Variants in DNAJC2 observed in about 807,000 individuals in gnomAD.
DNAJC2 encodes dnaJ homolog subfamily C member 2.
Under a neutral mutation model 94.0 loss-of-function variants are expected in DNAJC2, and 32 were observed. That is an observed-to-expected ratio of 0.34 (90% CI 0.26 to 0.46). The LOEUF is 0.46. DNAJC2 is among the 20% of genes least tolerant of loss of function. The pLI, the probability that DNAJC2 is intolerant of heterozygous loss-of-function variation, is 1.00. For synonymous variants in DNAJC2, 210 were observed against 229.7 expected (o/e 0.91, Z 0.77); for missense variants, 550 against 719.5 (o/e 0.76, Z 2.69).
At position 103,316,931 on chromosome 7, in the gene DNAJC2, T is replaced by C. The variant is rs1216003900; in HGVS notation, c.1326A>G (p.Lys442=). The part of the protein sequence containing the change: ...RMRQASKNTE[K]STGGGGNGSK... ...TTCCATTTCCACCTCCACCAGTTGA[T>C]TTCTCTGTGTTCTTAGATGCTTGTC... Residue 442 remains lysine (K), a synonymous_variant, in exon 13 of 17, where the codon AAA becomes AAG. Coordinates refer to ENST00000379263, the MANE Select transcript of DNAJC2 (RefSeq NM_014377.3). 1 of 1,614,108 alleles carries C rather than the reference T, an allele frequency of 6.2e-7. No individual in the cohort carries two copies. Among genetic ancestry groups the C allele is most frequent in the Non-Finnish European group, 8.5e-7 (1 of 1,179,990 alleles).
chr7:103,325,979 G>A (rs1198249731), intron 5 of DNAJC2, among the ~76,000 whole-genome samples: 7 of 152,078 alleles, frequency 4.6e-5, no homozygotes, highest in Non-Finnish European at 1.0e-4. Context: ...GTCAGATACT[G>A]TTATTTCTCT....
rs1369363230 is a variant in DNAJC2, at chr7:103,312,818, T to C, written c.1791+129A>G. 5 of 1,519,126 alleles carry C rather than the reference T, an allele frequency of 3.3e-6. No individual in the cohort carries two copies. The Admixed American group carries it at 6.9e-5, about 21-fold the overall frequency. The allele number at this position is 1,519,126 out of a possible 1,614,324, so 94.1% of individuals were successfully genotyped here. A position where few individuals can be genotyped will look rare whatever the true frequency, so the allele number is the denominator to read the frequency against. On this transcript the variant is annotated intron_variant, in intron 16 of 16. Coordinates refer to ENST00000379263, the MANE Select transcript of DNAJC2 (RefSeq NM_014377.3). ...GGTTGCTCATTTCTTCCTCATAATA[T>C]TGACCCCATAACTACTGGTTTTGAA... is the stretch of plus-strand genomic sequence containing the variant.
chr7:103,329,089 A>AT (rs1257949212), intron 3 of DNAJC2: 3 of 886,558 alleles, frequency 3.4e-6, no homozygotes, highest in Non-Finnish European at 4.5e-6. Context: ...GTGGTCAACA[A>AT]TTTTTTTGTT....
chr7:103,313,665 G>A lies in DNAJC2; in HGVS notation c.1637-564C>T, dbSNP rs534974393. On this transcript the variant is annotated intron_variant, in intron 15 of 16. Coordinates refer to ENST00000379263, the MANE Select transcript of DNAJC2 (RefSeq NM_014377.3). Reference sequence around the variant, plus strand: ...TGTGTTGTAGTGTGGTGTTCTCTTCGTCACATCTGCTAAAATCTTGGGAGC... The same window carrying A: ...TGTGTTGTAGTGTGGTGTTCTCTTCATCACATCTGCTAAAATCTTGGGAGC... The A allele has an allele frequency of 1.3e-5, 13 of 985,252 alleles. No individual in the cohort carries two copies. In the African/African-American group the frequency reaches 1.9e-4, roughly 15 times the overall value. The allele number at this position is 985,252 out of a possible 1,614,324, so 61.0% of individuals were successfully genotyped here.
chr7:103,331,781 CTT>C (rs1818984346), intron 3 of DNAJC2, among the ~76,000 whole-genome samples: 1 of 147,526 alleles, frequency 6.8e-6, no homozygotes, highest in South Asian at 2.1e-4. Context: ...GATTCCTTAT[CTT>C]TGTTATTATA....
chr7:103,322,835 G>A (rs774964911), intron 7 of DNAJC2, 41 bp from the exon 8 acceptor site: 34 of 1,461,554 alleles, frequency 2.3e-5, no homozygotes, highest in Non-Finnish European at 3.2e-5. Flanking sequence ...ACTGCTTATA[G>A]ATGCTATGAC....
chr7:103,312,960 A>G lies in DNAJC2; in HGVS notation c.1778T>C (p.Met593Thr), dbSNP rs1817839954. ...AVPGRTKKDC[M>T]KRYKELVEMV... Reference sequence around the variant, plus strand: ...TAAGTCTGCAACCTTGTATCGTTTCATGCAGTCCTTCTTTGTCCTGCCAGG... The same window carrying G: ...TAAGTCTGCAACCTTGTATCGTTTCGTGCAGTCCTTCTTTGTCCTGCCAGG... Residue 593 changes from methionine to threonine, a missense_variant, in exon 16 of 17, where the codon ATG becomes ACG. Transcript: ENST00000379263. 1 of 1,613,090 alleles carries G rather than the reference A, an allele frequency of 6.2e-7. No homozygotes were observed. The highest frequency in any genetic ancestry group is 8.5e-7 in the Non-Finnish European group (1 of 1,179,762).
At position 103,322,536 on chromosome 7, in the gene DNAJC2, C is replaced by T. The variant is rs376008208; in HGVS notation, c.908G>A (p.Arg303Gln). ...AEKKAKAEAK[R>Q]KEQEAKEKQR... ...TTTTTCTTTAGCTTCTTGCTCCTTC[C>T]GTTTAGCTTCTGCTTTTGCTTTCTT... The change falls in exon 9 of 17, where the codon CGG becomes CAG. Residue 303 changes from arginine to glutamine, a missense_variant. Around this residue, in one of 2 missense-constraint regions of DNAJC2, gnomAD observed 279 missense variants for 416.9 expected, o/e 0.67. Coordinates refer to ENST00000379263, the MANE Select transcript of DNAJC2 (RefSeq NM_014377.3). 24 of 1,530,956 alleles carry T rather than the reference C, an allele frequency of 1.6e-5. No homozygotes were observed. The highest frequency in any genetic ancestry group is 1.2e-4 in the East Asian group (5 of 43,298). 94.8% of individuals were successfully genotyped at this position (1,530,956 alleles called of 1,614,324 possible).
chr7:103,319,264 C>G (rs992917915), intron 12 of DNAJC2, among the ~76,000 whole-genome samples: 1 of 152,076 alleles, frequency 6.6e-6, no homozygotes. Context: ...TGGTGAAACC[C>G]TGTCTCTACC....
chr7:103,332,044 A>ATG (rs1818996431), intron 3 of DNAJC2, among the ~76,000 whole-genome samples: 1 of 147,860 alleles, frequency 6.8e-6, no homozygotes, highest in Non-Finnish European at 1.5e-5. Flanking sequence ...TTGCTCTGTC[A>ATG]CCCAGGTTGG....
rs909435898 is a variant in DNAJC2 at position 103,313,177 on chromosome 7, C to T, written c.1637-76G>A. On this transcript the variant is annotated intron_variant, in intron 15 of 16. Transcript: ENST00000379263. ...ACAAGTCTTGTGGTCCACAAGTATT[C>T]GCTAAGTGCCCATTTCAATCTGGGA... 11 of 1,486,276 alleles carry T rather than the reference C, an allele frequency of 7.4e-6. No homozygotes were observed. The East Asian group carries it at 1.4e-4, about 19-fold the overall frequency. The allele number at this position is 1,486,276 out of a possible 1,614,324, so 92.1% of individuals were successfully genotyped here.
chr7:103,314,975 T>G (rs1377336534), intron 15 of DNAJC2, among the ~76,000 whole-genome samples: 1 of 152,156 alleles, frequency 6.6e-6, no homozygotes, highest in Non-Finnish European at 1.5e-5. Flanking sequence ...GAAAAAAATT[T>G]ATATCACATC....
chr7:103,332,252 G>T (rs547847514), intron 3 of DNAJC2, among the ~76,000 whole-genome samples: 1 of 152,124 alleles, frequency 6.6e-6, no homozygotes, highest in African/African-American at 2.4e-5. Flanking sequence ...TGATCCGCCC[G>T]CCTTGGCCTC....
Position 103,315,842 on chromosome 7 carries a change from T to G in DNAJC2, c.1558A>C (p.Lys520Gln). The part of the protein sequence containing the change: ...DPHQKDDINK[K>Q]AFDKFKKEHG... ...TCTTTTTTGAACTTATCAAATGCCTTTTTATTTATGTCATCTTTTTGATGA... is the reference window on the plus strand; with the variant it reads ...TCTTTTTTGAACTTATCAAATGCCTGTTTATTTATGTCATCTTTTTGATGA... The change falls in exon 15 of 17, where the codon AAG (lysine) becomes CAG (glutamine). Residue 520 changes from lysine (K) to glutamine (Q), a missense_variant. Physicochemically the swap from Lys to Gln is moderately conservative, Grantham distance 53. Around this residue, in one of 2 missense-constraint regions of DNAJC2, gnomAD observed 271 missense variants for 302.6 expected, o/e 0.90. Coordinates refer to ENST00000379263, the MANE Select transcript of DNAJC2 (RefSeq NM_014377.3). 3 of 1,613,650 alleles carry G rather than the reference T, an allele frequency of 1.9e-6. No homozygotes were observed. Among genetic ancestry groups the G allele is most frequent in the Non-Finnish European group, 2.5e-6 (3 of 1,179,706 alleles).
chr7:103,333,742 A>G (rs1819059831), intron 3 of DNAJC2, among the ~76,000 whole-genome samples: 1 of 152,214 alleles, frequency 6.6e-6, no homozygotes, highest in Non-Finnish European at 1.5e-5. Context: ...AAGTAGATGT[A>G]ACTTACAGTA....
rs763414785 is a variant in DNAJC2, at chr7:103,341,936, A to G, written c.83T>C (p.Val28Ala). The G allele has an allele frequency of 6.9e-6, 11 of 1,604,896 alleles. No individual in the cohort carries two copies. Among genetic ancestry groups the G allele is most frequent in the East Asian group, 2.2e-5 (1 of 44,784 alleles). The change falls in exon 2 of 17, where the codon GTT (valine) becomes GCT (alanine). Residue 28 changes from valine to alanine, a missense_variant. Transcript: ENST00000379263. ...ALTSASTLCQ[V>A]EPVGRWFEAF... ...TTCAAACCATCTTCCCACAGGTTCAACTTGACAGAGTGTAGAGGCTGTGAT... is the reference window on the plus strand; with the variant it reads ...TTCAAACCATCTTCCCACAGGTTCAGCTTGACAGAGTGTAGAGGCTGTGAT...
At chr7:103,317,051 A>G (rs1460141901) in intron 12 of DNAJC2, 37 bp from the exon 13 acceptor site, 1 of 1,550,522 alleles carries the variant, frequency 6.4e-7, no homozygotes. Context: ...TTAGAAGTAT[A>G]CTGTATTGCT....
chr7:103,338,576 G>A (rs1819263244), intron 2 of DNAJC2, among the ~76,000 whole-genome samples: 2 of 151,786 alleles, frequency 1.3e-5, no homozygotes, highest in Admixed American at 1.3e-4. Flanking sequence ...AGGGATTACA[G>A]GTGTGAGCCA....
Position 103,315,851 on chromosome 7 carries a change from T to C in DNAJC2, c.1549A>G (p.Ile517Val), listed in dbSNP as rs766941431. ...QKLDPHQKDDINKKAFDKFKK... is the reference protein window; with the variant it reads ...QKLDPHQKDDVNKKAFDKFKK... Reference sequence around the variant, plus strand: ...AACTTATCAAATGCCTTTTTATTTATGTCATCTTTTTGATGAGGGTCTGAG... The same window carrying C: ...AACTTATCAAATGCCTTTTTATTTACGTCATCTTTTTGATGAGGGTCTGAG... The change falls in exon 15 of 17, where the codon ATA (isoleucine) becomes GTA (valine). Residue 517 changes from isoleucine to valine, a missense_variant. Around this residue, in one of 2 missense-constraint regions of DNAJC2, gnomAD observed 271 missense variants for 302.6 expected, o/e 0.90. Transcript: ENST00000379263. 3 of 1,613,338 alleles carry C rather than the reference T, an allele frequency of 1.9e-6. No homozygotes were observed. The highest frequency in any genetic ancestry group is 1.1e-5 in the South Asian group (1 of 90,998).
Sources: allele counts gnomAD v4.1 joint callset (sites outside exome capture counted in the v4.1 genomes callset), GRCh38; gene constraint gnomAD v4.1.1; regional missense constraint gnomAD v4.1.1; transcripts MANE v1.5; gene names NCBI Gene and HGNC (gene_info 2026-07-23, HGNC 2026-07-21).